FHIT: variants seen among roughly 807,000 people sequenced by gnomAD.
The protein encoded by FHIT is fragile histidine triad diadenosine triphosphatase, also known as bis(5'-adenosyl)-triphosphatase.
FHIT carries 19 observed loss-of-function variants against 17.9 expected under a neutral mutation model. That is an observed-to-expected ratio of 1.06 (90% CI 0.74 to 1.56). The LOEUF (loss-of-function observed/expected upper bound fraction) is 1.56, where lower values mean the gene tolerates loss of function less well. Ranked by LOEUF, FHIT falls within the 40% of genes most tolerant of loss-of-function variation. FHIT has a pLI of 0.00. For synonymous variants in FHIT, 81 were observed against 69.7 expected (o/e 1.16, Z -0.81); for missense variants, 248 against 189.2 (o/e 1.31, Z -1.82).
intron 7 of FHIT, among the ~76,000 whole-genome samples, chr3:59,961,417 C>T (rs1269438683): frequency 6.6e-6 from 1 of 152,156 alleles, no homozygotes; most frequent in African/African-American, 2.4e-5. Context: ...ACTTATAGCT[C>T]TTTATTATGC....
intron 4 of FHIT, among the ~76,000 whole-genome samples, chr3:60,665,310 C>T (rs114027046): frequency 8.0e-4 from 122 of 151,998 alleles, no homozygotes; most frequent in African/African-American, 2.8e-3. Flanking sequence ...ATTGTGATGG[C>T]GCAATCTTCT....
chr3:60,900,124 G>T (rs1706037887), intron 3 of FHIT, among the ~76,000 whole-genome samples: 1 of 152,198 alleles, frequency 6.6e-6, no homozygotes, highest in African/African-American at 2.4e-5. Context: ...AGGTCAGAAA[G>T]GCTCACTATC....
At chr3:61,127,590 T>C (rs1381559583) in intron 2 of FHIT, among the ~76,000 whole-genome samples, 1 of 152,122 alleles carries the variant, frequency 6.6e-6, no homozygotes, top group Non-Finnish European at 1.5e-5. Context: ...CTTGGCCAGG[T>C]GTGATGGCTC....
At chr3:60,689,979 A>G (rs1201501456) in intron 4 of FHIT, among the ~76,000 whole-genome samples, 1 of 152,174 alleles carries the variant, frequency 6.6e-6, no homozygotes, top group Non-Finnish European at 1.5e-5. Context: ...ACAACCAGCC[A>G]CTTCTCTGTT....
chr3:60,658,072 T>C (rs1188191787), intron 4 of FHIT, among the ~76,000 whole-genome samples: 3 of 152,138 alleles, frequency 2.0e-5, no homozygotes, highest in Non-Finnish European at 2.9e-5. Flanking sequence ...ACTGAAACTC[T>C]ATACCATTTA....
intron 7 of FHIT, among the ~76,000 whole-genome samples, chr3:59,946,547 A>T (rs1706811699): frequency 1.3e-5 from 2 of 152,168 alleles, no homozygotes; most frequent in Admixed American, 6.5e-5. Context: ...TAGGACTTCC[A>T]GTACTATGTT....
intron 5 of FHIT, among the ~76,000 whole-genome samples, chr3:60,307,320 C>A (rs1708723806): frequency 6.6e-6 from 1 of 152,174 alleles, no homozygotes; most frequent in Non-Finnish European, 1.5e-5. Context: ...TTCTATAGTT[C>A]AGCACTCCCT....
intron 5 of FHIT, among the ~76,000 whole-genome samples, chr3:60,411,806 T>C (rs533729513): frequency 4.6e-5 from 7 of 152,238 alleles, no homozygotes; most frequent in East Asian, 3.9e-4. Flanking sequence ...CACAAATATA[T>C]TGGAGCTGGA....
chr3:60,342,852 G>C (rs1426259809), intron 5 of FHIT, among the ~76,000 whole-genome samples: 2 of 152,158 alleles, frequency 1.3e-5, no homozygotes, highest in Non-Finnish European at 1.5e-5. Context: ...GGCTTTTTAA[G>C]CAAGTTCTAT....
At chr3:60,105,676 T>C (rs541998708) in intron 5 of FHIT, among the ~76,000 whole-genome samples, 1 of 152,318 alleles carries the variant, frequency 6.6e-6, no homozygotes, top group East Asian at 1.9e-4. Context: ...TAATTAAATA[T>C]GTTAGCAAGA....
intron 8 of FHIT, among the ~76,000 whole-genome samples, chr3:59,830,439 G>T (rs1701125379): frequency 6.6e-6 from 1 of 152,190 alleles, no homozygotes. Flanking sequence ...CTAAGTAGAT[G>T]TATAATTAGC....
rs184224847 is a variant in FHIT, at chr3:60,441,039, C to T, written c.103+95821G>A. Among the ~76,000 whole-genome samples, 744 of 152,180 alleles carry T rather than the reference C, an allele frequency of 4.9e-3. 14 individuals are homozygous for T. Among genetic ancestry groups the T allele is most frequent in the Middle Eastern group, 0.02 (6 of 294 alleles). ...TTCTTGGAAATCAGCATGTTCACCC[C>T]TTTTGTTTTTGCTTTTGTTCTTAGA... On this transcript the variant is annotated intron_variant, in intron 5 of 9. Coordinates refer to ENST00000492590, the MANE Select transcript of FHIT (RefSeq NM_002012.4).
At chr3:59,935,498 T>C (rs112713628) in intron 7 of FHIT, among the ~76,000 whole-genome samples, 112 of 152,314 alleles carry the variant, frequency 7.4e-4, no homozygotes, top group African/African-American at 2.5e-3. Context: ...AAAGTATAAG[T>C]AATTACAGGT....
chr3:60,172,499 C>T (rs1160077438), intron 5 of FHIT, among the ~76,000 whole-genome samples: 1 of 151,436 alleles, frequency 6.6e-6, no homozygotes, highest in East Asian at 1.9e-4. Context: ...TGGTCTCGAA[C>T]TCCCAACCTC....
At chr3:60,613,206 A>G (rs1267108739) in intron 4 of FHIT, among the ~76,000 whole-genome samples, 2 of 152,124 alleles carry the variant, frequency 1.3e-5, no homozygotes, top group African/African-American at 2.4e-5. Context: ...AAGGGTCTTC[A>G]GGTTGAGTTC....
chr3:59,870,828 T>A (rs1054376157), intron 8 of FHIT, among the ~76,000 whole-genome samples: 1 of 152,028 alleles, frequency 6.6e-6, no homozygotes, highest in Non-Finnish European at 1.5e-5. Flanking sequence ...TCTATATTGA[T>A]ACTTCTCAAA....
intron 8 of FHIT, among the ~76,000 whole-genome samples, chr3:59,884,261 A>T (rs1291390545): frequency 6.6e-6 from 1 of 152,210 alleles, no homozygotes; most frequent in East Asian, 1.9e-4. Context: ...ATATTTTATG[A>T]TTACTCACAA....
At chr3:60,413,809 G>A (rs1237964737) in intron 5 of FHIT, among the ~76,000 whole-genome samples, 1 of 152,084 alleles carries the variant, frequency 6.6e-6, no homozygotes, top group Non-Finnish European at 1.5e-5. Flanking sequence ...CATAACCTCA[G>A]TCACTTCATA....
chr3:60,524,798 T>C (rs1013099193), intron 5 of FHIT, among the ~76,000 whole-genome samples: 2 of 152,202 alleles, frequency 1.3e-5, no homozygotes, highest in South Asian at 2.1e-4. Context: ...GACACTGCCA[T>C]TGGATGTAGG....
Sources: allele counts gnomAD v4.1 joint callset (sites outside exome capture counted in the v4.1 genomes callset), GRCh38; gene constraint gnomAD v4.1.1; transcripts MANE v1.5; gene names NCBI Gene and HGNC (gene_info 2026-07-23, HGNC 2026-07-21).